Variants in PSMA1 observed in about 807,000 individuals in gnomAD.
PSMA1 encodes proteasome subunit alpha type-1.
A neutral mutation model predicts 38.4 loss-of-function variants in PSMA1; 3 were observed. The observed-to-expected ratio is 0.08, with a 90% CI of 0.04 to 0.20. The LOEUF is 0.20. PSMA1 is among the 10% of genes least tolerant of loss of function. The pLI is 1.00. For missense variants in PSMA1, 227 were observed against 325.3 expected (o/e 0.70, Z 2.32); for synonymous variants, 101 against 107.1 (o/e 0.94, Z 0.35).
intron 1 of PSMA1, among the ~76,000 whole-genome samples, chr11:14,628,615 C>T (rs1425047320): frequency 2.0e-5 from 3 of 148,846 alleles, no homozygotes; most frequent in East Asian, 2.0e-4. Context: ...CGAATAATGC[C>T]GCAATAAACA....
chr11:14,625,213 C>T (rs1342704984), intron 1 of PSMA1, among the ~76,000 whole-genome samples: 1 of 152,148 alleles, frequency 6.6e-6, no homozygotes, highest in East Asian at 1.9e-4. Context: ...TTTTGGAAGG[C>T]CAAGGCAGGC....
intron 1 of PSMA1, among the ~76,000 whole-genome samples, chr11:14,639,992 T>A (rs1004808063): frequency 6.6e-6 from 1 of 152,126 alleles, no homozygotes; most frequent in African/African-American, 2.4e-5. Context: ...TTGCTTTCAT[T>A]AGACTAAGGA....
intron 2 of PSMA1, among the ~76,000 whole-genome samples, chr11:14,546,240 G>C (rs904319814): frequency 2.0e-5 from 3 of 151,708 alleles, no homozygotes; most frequent in African/African-American, 7.3e-5. Flanking sequence ...AAAGAGAGGG[G>C]CAAGAGGGTT....
At chr11:14,610,838 T>G (rs1852700182) in intron 2 of PSMA1, 3 of 927,008 alleles carry the variant, frequency 3.2e-6, no homozygotes, top group Non-Finnish European at 4.8e-6. Flanking sequence ...TTTTTTCTCT[T>G]TTTGTTTTCT....
At chr11:14,579,748 C>G (rs1852261331) in intron 2 of PSMA1, among the ~76,000 whole-genome samples, 1 of 152,128 alleles carries the variant, frequency 6.6e-6, no homozygotes, top group African/African-American at 2.4e-5. Flanking sequence ...AAACCCCCCT[C>G]AAACCTTTGG....
chr11:14,542,399 T>G (rs1589987847), intron 2 of PSMA1, among the ~76,000 whole-genome samples: 1 of 152,188 alleles, frequency 6.6e-6, no homozygotes, highest in African/African-American at 2.4e-5. Flanking sequence ...GGCATTCAGC[T>G]GTAAGCAGGG....
chr11:14,593,691 G>T (rs980702372), intron 2 of PSMA1, among the ~76,000 whole-genome samples: 1 of 150,006 alleles, frequency 6.7e-6, no homozygotes, highest in African/African-American at 2.4e-5. Flanking sequence ...GTCCTAATAA[G>T]AGAAAGGCAC....
In PSMA1 at chr11:14,509,647, C is replaced by A. The variant is rs546202468; in HGVS notation, c.624+1225G>T. On this transcript the variant is annotated intron_variant, in intron 8 of 9. Coordinates refer to ENST00000396394, the MANE Select transcript of PSMA1 (RefSeq NM_002786.4). ...AACTCCTGATCTCAAGTGATCCACT[C>A]ACCTCAGCCTCCCAAAGTGTTGGGA... Among the ~76,000 whole-genome samples the A allele has an allele frequency of 2.0e-5, 3 of 151,992 alleles. No homozygotes were observed. In the South Asian group the frequency reaches 6.2e-4, roughly 32 times the overall value.
intron 1 of PSMA1, among the ~76,000 whole-genome samples, chr11:14,617,189 A>C (rs575153839): frequency 1.3e-5 from 2 of 152,226 alleles, no homozygotes; most frequent in East Asian, 3.9e-4. Flanking sequence ...CTTCTCTGGG[A>C]AGGAAAGAGT....
intron 2 of PSMA1, among the ~76,000 whole-genome samples, chr11:14,576,463 G>A (rs1345881078): frequency 4.6e-5 from 7 of 152,170 alleles, no homozygotes; most frequent in Admixed American, 6.5e-5. Flanking sequence ...TGTATAAGGT[G>A]TAAGTAAGGG....
intron 2 of PSMA1, among the ~76,000 whole-genome samples, chr11:14,568,642 C>G (rs748181969): frequency 9.9e-5 from 15 of 152,198 alleles, no homozygotes; most frequent in South Asian, 2.1e-4. Context: ...ATCAAGCATA[C>G]TCCTGGAGGA....
At chr11:14,555,308 G>A (rs1851930950) in intron 2 of PSMA1, among the ~76,000 whole-genome samples, 1 of 152,158 alleles carries the variant, frequency 6.6e-6, no homozygotes, top group African/African-American at 2.4e-5. Flanking sequence ...TAGCAATGAT[G>A]TGTACTGGAT....
At chr11:14,609,386 A>G (rs559931309) in intron 2 of PSMA1, among the ~76,000 whole-genome samples, 2 of 152,348 alleles carry the variant, frequency 1.3e-5, no homozygotes, top group African/African-American at 4.8e-5. Flanking sequence ...AGCAGCTAAT[A>G]AAACAGACAA....
chr11:14,544,065 G>A (rs1265700789), intron 2 of PSMA1, among the ~76,000 whole-genome samples: 2 of 152,026 alleles, frequency 1.3e-5, no homozygotes, highest in Non-Finnish European at 2.9e-5. Flanking sequence ...TTTGAGACAC[G>A]ATCTTGCTCT....
chr11:14,630,810 T>G (rs1852994351), intron 1 of PSMA1, among the ~76,000 whole-genome samples: 1 of 152,206 alleles, frequency 6.6e-6, no homozygotes, highest in African/African-American at 2.4e-5. Context: ...TCTTTTTGGT[T>G]GGTAAGCTAT....
At chr11:14,565,916 G>A (rs1852065258) in intron 2 of PSMA1, among the ~76,000 whole-genome samples, 1 of 152,212 alleles carries the variant, frequency 6.6e-6, no homozygotes, top group Non-Finnish European at 1.5e-5. Flanking sequence ...AAGCCTTCTG[G>A]AGAAGTTGAA....
chr11:14,608,080 A>G (rs1423759587), intron 2 of PSMA1, among the ~76,000 whole-genome samples: 2 of 152,210 alleles, frequency 1.3e-5, no homozygotes, highest in African/African-American at 4.8e-5. Context: ...AGGCAGGCAC[A>G]GTGGCTCATG....
At position 14,517,998 on chromosome 11, in the gene PSMA1, C is replaced by A. The variant is rs545797516; in HGVS notation, c.49-17G>T. On this transcript the variant is annotated splice_polypyrimidine_tract_variant and intron_variant, in intron 2 of 9. Coordinates refer to ENST00000396394, the MANE Select transcript of PSMA1 (RefSeq NM_002786.4). ...AATCCTGCCCTAAAGAAAAAAAAAA[C>A]AAAAAACACACATCTTAGAAGATCT... 690 of 1,425,472 alleles carry A rather than the reference C, an allele frequency of 4.8e-4. 3 individuals carry two copies. The African/African-American group carries it at 7.3e-3, about 15-fold the overall frequency. 88.3% of individuals were successfully genotyped at this position (1,425,472 alleles called of 1,614,324 possible). A position where few individuals can be genotyped will look rare whatever the true frequency, so the allele number is the denominator to read the frequency against.
At chr11:14,640,547 G>C (rs938370649) in intron 1 of PSMA1, among the ~76,000 whole-genome samples, 43 of 152,090 alleles carry the variant, frequency 2.8e-4, no homozygotes, top group African/African-American at 1.0e-3. Flanking sequence ...CATATAGTGG[G>C]CACTAAATAG....
Sources: gnomAD v4.1 joint callset for allele counts (sites outside exome capture counted in the v4.1 genomes callset) on GRCh38, gnomAD v4.1.1 for gene constraint, MANE v1.5 for transcripts, NCBI Gene and HGNC (gene_info 2026-07-23, HGNC 2026-07-21) for gene names.